The following CTNNA2 variants were observed in gnomAD, a reference collection of about 807,000 sequenced individuals.
CTNNA2 encodes catenin alpha 2, also known as catenin alpha-2.
In CTNNA2, 42 loss-of-function variants were observed where a neutral mutation model predicts 101.0. That is an observed-to-expected ratio of 0.42 (90% confidence interval 0.32 to 0.54). The LOEUF (loss-of-function observed/expected upper bound fraction) is 0.54, where lower values mean the gene tolerates loss of function less well. Among genes scored for constraint, CTNNA2 ranks in the 20% least tolerant of loss-of-function variants. CTNNA2 has a pLI of 0.14. For synonymous variants in CTNNA2, 450 were observed against 456.4 expected (o/e 0.99, Z 0.18); for missense variants, 871 against 1,223.1 (o/e 0.71, Z 4.29).
At chr2:79,491,250 C>T (rs1408381515) in intron 4 of CTNNA2, among the ~76,000 whole-genome samples, 4 of 152,064 alleles carry the variant, frequency 2.6e-5, no homozygotes, top group Non-Finnish European at 5.9e-5. Flanking sequence ...AAGCCCATCA[C>T]AAAATGACTA....
intron 13 of CTNNA2, among the ~76,000 whole-genome samples, chr2:80,580,304 C>T (rs938502469): frequency 3.3e-5 from 5 of 152,130 alleles, no homozygotes; most frequent in Non-Finnish European, 5.9e-5. Context: ...TGTTCCTGGG[C>T]TTATGGATTC....
At chr2:79,620,245 C>G (rs1045570303) in intron 1 of CTNNA2, among the ~76,000 whole-genome samples, 10 of 152,282 alleles carry the variant, frequency 6.6e-5, no homozygotes, top group Non-Finnish European at 1.0e-4. Context: ...CTCCAACTGC[C>G]CTTCCCTGTA....
At chr2:80,535,786 A>G (rs536803115) in intron 9 of CTNNA2, among the ~76,000 whole-genome samples, 1 of 152,260 alleles carries the variant, frequency 6.6e-6, no homozygotes, top group Admixed American at 6.5e-5. Context: ...AGTTTCCTCT[A>G]TCCTGTAGAA....
intron 9 of CTNNA2, among the ~76,000 whole-genome samples, chr2:80,455,424 C>A (rs1228144323): frequency 6.6e-6 from 1 of 152,152 alleles, no homozygotes; most frequent in Non-Finnish European, 1.5e-5. Context: ...GAAACAGAAG[C>A]AGATTTAGCA....
intron 3 of CTNNA2, among the ~76,000 whole-genome samples, chr2:79,762,722 A>G (rs954208922): frequency 1.3e-5 from 2 of 152,174 alleles, no homozygotes; most frequent in African/African-American, 4.8e-5. Flanking sequence ...AAAATCAAGA[A>G]TCTTTGTATT....
At chr2:79,868,541 T>A (rs1408794718) in intron 4 of CTNNA2, among the ~76,000 whole-genome samples, 1 of 152,272 alleles carries the variant, frequency 6.6e-6, no homozygotes, top group Non-Finnish European at 1.5e-5. Flanking sequence ...GCGTCAAGCC[T>A]CAATTAAGTT....
At chr2:79,253,681 G>C (rs182783794) in intron 2 of CTNNA2, among the ~76,000 whole-genome samples, 1 of 152,182 alleles carries the variant, frequency 6.6e-6, no homozygotes, top group Non-Finnish European at 1.5e-5. Flanking sequence ...CCTTTATGCC[G>C]CAGAACTTAA....
Position 79,752,496 on chromosome 2 carries a change from A to G in CTNNA2, c.298+7914A>G, listed in dbSNP as rs149582727. On this transcript the variant is annotated intron_variant, in intron 3 of 18. Transcript: ENST00000402739. The stretch of plus-strand genomic sequence containing the variant: ...CAAGGGCAATAGCTAAATGAAAAGA[A>G]AGAATCCATCCTGAAGGAACAGAAA... 3.6e-3 allele frequency among the ~76,000 whole-genome samples: 554 copies of G among 152,362 alleles called. 6 individuals are homozygous for G. The highest frequency in any genetic ancestry group is 0.013 in the African/African-American group (539 of 41,590).
intron 1 of CTNNA2, among the ~76,000 whole-genome samples, chr2:79,555,986 T>A (rs1377813936): frequency 6.6e-6 from 1 of 152,096 alleles, no homozygotes; most frequent in Non-Finnish European, 1.5e-5. Flanking sequence ...GGTACCTTTT[T>A]AAAATTATTG....
chr2:80,144,999 G>A (rs1255310724), intron 7 of CTNNA2, among the ~76,000 whole-genome samples: 3 of 152,118 alleles, frequency 2.0e-5, no homozygotes, highest in Non-Finnish European at 2.9e-5. Context: ...TCCAGACATT[G>A]CCAGATATCC....
At position 79,746,470 on chromosome 2, in the gene CTNNA2, C is replaced by T. The variant is rs551393232; in HGVS notation, c.298+1888C>T. ...ACCATGAAATCAGAACAGACACCTA[C>T]TCCCAAGCTTGGTCTCTCTCCTGCA... On this transcript the variant is annotated intron_variant, in intron 3 of 18. Transcript: ENST00000402739. Among the ~76,000 whole-genome samples, 5 of 152,332 alleles carry T rather than the reference C, an allele frequency of 3.3e-5. 1 individual carries two copies. The highest frequency in any genetic ancestry group is 1.2e-4 in the African/African-American group (5 of 41,582).
rs572427997 is a variant in CTNNA2 at position 80,251,730 on chromosome 2, G to A, written c.1057-141481G>A. Among the ~76,000 whole-genome samples, 183 of 152,296 alleles carry A rather than the reference G, an allele frequency of 1.2e-3. 1 individual carries two copies. Among genetic ancestry groups the A allele is most frequent in the African/African-American group, 4.3e-3 (177 of 41,570 alleles). On this transcript the variant is annotated intron_variant, in intron 7 of 18. Transcript: ENST00000402739. The stretch of plus-strand genomic sequence containing the variant: ...CAAAAATAGGAAAAAGAAAATGGCA[G>A]ACAGCAAAACCTGCTTTGGGCCCCA...
chr2:80,545,217 CAGAA>C (rs1230654501), intron 10 of CTNNA2, 143 bp downstream of exon 10: 1 of 782,226 alleles, frequency 1.3e-6, no homozygotes. Flanking sequence ...CTACCTTTCT[CAGAA>C]AGAATAAACC....
intron 7 of CTNNA2, among the ~76,000 whole-genome samples, chr2:80,285,103 C>T (rs1250666947): frequency 1.3e-5 from 2 of 152,040 alleles, no homozygotes; most frequent in South Asian, 2.1e-4. Context: ...AGTAGATGTC[C>T]GTCCAGCTGG....
intron 3 of CTNNA2, among the ~76,000 whole-genome samples, chr2:79,770,678 A>G (rs1673508086): frequency 6.6e-6 from 1 of 152,256 alleles, no homozygotes; most frequent in South Asian, 2.1e-4. Context: ...AACATTACTC[A>G]TTCAATTTCT....
chr2:79,858,300 C>A (rs1013046173), intron 4 of CTNNA2, 121 bp downstream of exon 4: 16 of 580,562 alleles, frequency 2.8e-5, no homozygotes, highest in Non-Finnish European at 4.1e-5. Flanking sequence ...CATTACCTAC[C>A]CATGTGGTGC....
chr2:80,317,285 A>G (rs1678221923), intron 7 of CTNNA2, among the ~76,000 whole-genome samples: 1 of 152,212 alleles, frequency 6.6e-6, no homozygotes, highest in Non-Finnish European at 1.5e-5. Context: ...ACTAGACCTT[A>G]TAAAGTGATT....
chr2:79,848,584 C>T (rs1438605046), intron 3 of CTNNA2, among the ~76,000 whole-genome samples: 1 of 152,142 alleles, frequency 6.6e-6, no homozygotes, highest in Non-Finnish European at 1.5e-5. Context: ...TAATTAAAAT[C>T]CATACGGTTA....
intron 1 of CTNNA2, among the ~76,000 whole-genome samples, chr2:79,551,651 A>T (rs1364884599): frequency 1.3e-5 from 2 of 152,164 alleles, no homozygotes; most frequent in African/African-American, 4.8e-5. Context: ...GGTAATTTAT[A>T]AAGAATAGAG....
Sources: gnomAD v4.1 joint callset for allele counts (sites outside exome capture counted in the v4.1 genomes callset) on GRCh38, gnomAD v4.1.1 for gene constraint, MANE v1.5 for transcripts, NCBI Gene and HGNC (gene_info 2026-07-23, HGNC 2026-07-21) for gene names.